Variants in STXBP5 observed in about 807,000 individuals in gnomAD.
STXBP5 encodes syntaxin binding protein 5.
In STXBP5, 50 loss-of-function variants were observed where a neutral mutation model predicts 152.4. That is an observed-to-expected ratio of 0.33 (90% confidence interval 0.26 to 0.42). The LOEUF is 0.42. Among genes scored for constraint, STXBP5 ranks in the 10% least tolerant of loss-of-function variants. STXBP5 has a pLI of 1.00. For missense variants in STXBP5, 1,167 were observed against 1,388.6 expected (o/e 0.84, Z 2.54); for synonymous variants, 492 against 494.7 (o/e 0.99, Z 0.07).
Position 147,325,000 on chromosome 6 carries a change from C to G in STXBP5, c.1844C>G (p.Thr615Arg). ...CTTAAACAGTCTCCAGGTTATCAAA[C>G]AGAACTAGTTATTCAGTTGGTTTGG... Reference protein sequence around the residue: ...SPLKQSPGYQTELVIQLVWVG... With the variant: ...SPLKQSPGYQRELVIQLVWVG... Residue 615 changes from threonine to arginine, a missense_variant, in exon 17 of 28, where the codon ACA becomes AGA. By Grantham distance (71) the Thr-to-Arg change is moderately conservative. Around this residue, in one of 3 missense-constraint regions of STXBP5, gnomAD observed 833 missense variants for 986.3 expected, o/e 0.84. Transcript: ENST00000321680. 1 of 1,596,820 alleles carries G rather than the reference C, an allele frequency of 6.3e-7. No individual in the cohort carries two copies. Among genetic ancestry groups the G allele is most frequent in the Non-Finnish European group, 8.6e-7 (1 of 1,169,552 alleles).
chr6:147,254,885 C>T (rs1353870228), intron 4 of STXBP5, among the ~76,000 whole-genome samples: 1 of 152,178 alleles, frequency 6.6e-6, no homozygotes. Flanking sequence ...TAAATTAGTT[C>T]AACCATTGTG....
chr6:147,353,465 G>T, intron 22 of STXBP5, 92 bp downstream of exon 22: 1 of 787,894 alleles, frequency 1.3e-6, no homozygotes, highest in Non-Finnish European at 1.9e-6. Flanking sequence ...GATAGTCATT[G>T]GAAAGCAAGT....
chr6:147,344,524 TG>T (rs1191601280), intron 21 of STXBP5, among the ~76,000 whole-genome samples: 1 of 152,202 alleles, frequency 6.6e-6, no homozygotes, highest in Non-Finnish European at 1.5e-5. Flanking sequence ...AAGGTGTCAG[TG>T]GGTTTGATTT....
intron 4 of STXBP5, among the ~76,000 whole-genome samples, chr6:147,243,782 GT>G (rs905096441): frequency 2.0e-4 from 31 of 151,716 alleles, no homozygotes; most frequent in African/African-American, 5.1e-4. Context: ...TATGTCTAGA[GT>G]TTTTTTTCTT....
In STXBP5 at chr6:147,389,610, G is replaced by A. The variant is rs1167301667; in HGVS notation, c.*4855G>A. On this transcript the variant is annotated 3_prime_UTR_variant, in exon 28 of 28. Coordinates refer to ENST00000321680, the MANE Select transcript of STXBP5 (RefSeq NM_001127715.4). ...TGTAAATAAACCAGTATTTATTGTA[G>A]GTTGTTTGATTCAGGCATTTCAAAT... The A allele has an allele frequency of 6.6e-6, 1 of 151,774 alleles. No homozygotes were observed. The highest frequency in any genetic ancestry group is 1.5e-5 in the Non-Finnish European group (1 of 67,784). The allele number at this position is 151,774 out of a possible 1,614,324, so 9.4% of individuals were successfully genotyped here. A position where few individuals can be genotyped will look rare whatever the true frequency, so the allele number is the denominator to read the frequency against.
At chr6:147,362,239 A>G (rs998953508) in intron 23 of STXBP5, among the ~76,000 whole-genome samples, 1 of 152,188 alleles carries the variant, frequency 6.6e-6, no homozygotes, top group African/African-American at 2.4e-5. Context: ...AAATGTTTTG[A>G]GAAAACATCA....
intron 2 of STXBP5, among the ~76,000 whole-genome samples, chr6:147,222,321 C>A (rs547848716): frequency 3.3e-5 from 5 of 152,108 alleles, no homozygotes; most frequent in African/African-American, 1.2e-4. Context: ...TTCCTGATAT[C>A]GGGACATGAT....
intron 4 of STXBP5, among the ~76,000 whole-genome samples, chr6:147,243,275 G>C (rs1472790248): frequency 6.6e-6 from 1 of 152,152 alleles, no homozygotes; most frequent in Non-Finnish European, 1.5e-5. Context: ...ATGGACGTTA[G>C]CCATTTTAAT....
intron 18 of STXBP5, among the ~76,000 whole-genome samples, chr6:147,328,475 A>G (rs1783386830): frequency 6.6e-6 from 1 of 152,240 alleles, no homozygotes; most frequent in South Asian, 2.1e-4. Context: ...ATTAACTAAT[A>G]CTGCAAATTT....
intron 17 of STXBP5, among the ~76,000 whole-genome samples, chr6:147,325,462 T>G (rs1783199958): frequency 1.3e-5 from 2 of 152,222 alleles, no homozygotes; most frequent in African/African-American, 4.8e-5. Context: ...TTGTAAATGT[T>G]GAAGTGTAGT....
intron 18 of STXBP5, among the ~76,000 whole-genome samples, chr6:147,332,186 A>G (rs565122815): frequency 6.6e-6 from 1 of 152,324 alleles, no homozygotes; most frequent in East Asian, 1.9e-4. Flanking sequence ...TTTCACATGT[A>G]TTCACTCAAC....
rs1786273665 is a variant in STXBP5 at position 147,385,021 on chromosome 6, A to AG, written c.*271dup. ...TCACACGTGACAGATGAAGAAACCAAGGGGGCTGCTGAGGAGACCTGGTGC... is the reference window on the plus strand; with the variant it reads ...TCACACGTGACAGATGAAGAAACCAAGGGGGGCTGCTGAGGAGACCTGGTGC... On this transcript the variant is annotated 3_prime_UTR_variant, in exon 28 of 28. Coordinates refer to ENST00000321680, the MANE Select transcript of STXBP5 (RefSeq NM_001127715.4). 1 of 441,308 alleles carries AG rather than the reference A, an allele frequency of 2.3e-6. No individual in the cohort carries two copies. 27.3% of individuals were successfully genotyped at this position (441,308 alleles called of 1,614,324 possible). A position where few individuals can be genotyped will look rare whatever the true frequency, so the allele number is the denominator to read the frequency against.
intron 2 of STXBP5, among the ~76,000 whole-genome samples, chr6:147,216,077 G>A (rs1205803523): frequency 6.6e-6 from 1 of 152,106 alleles, no homozygotes; most frequent in African/African-American, 2.4e-5. Context: ...AAAACTACCT[G>A]AAAAATGAAT....
intron 2 of STXBP5, among the ~76,000 whole-genome samples, chr6:147,226,510 G>A (rs1057337550): frequency 6.6e-6 from 1 of 152,136 alleles, no homozygotes; most frequent in Admixed American, 6.5e-5. Context: ...AAACATAGTT[G>A]TGTAATTCAG....
intron 22 of STXBP5, among the ~76,000 whole-genome samples, chr6:147,355,560 T>C (rs973588615): frequency 6.6e-6 from 1 of 152,144 alleles, no homozygotes; most frequent in African/African-American, 2.4e-5. Context: ...TGTATGATAG[T>C]GATGATATGG....
chr6:147,337,192 G>GACACACACACACACACACACAC (rs61074711), intron 19 of STXBP5, among the ~76,000 whole-genome samples: 3,306 of 53,852 alleles, frequency 0.061, 144 homozygotes, highest in African/African-American at 0.14. Context: ...CACATACATA[G>GACACACACACACACACACACAC]ACACACACAC....
chr6:147,292,178 C>T (rs1342462860), intron 9 of STXBP5: 7 of 427,624 alleles, frequency 1.6e-5, no homozygotes, highest in Admixed American at 1.3e-4. Flanking sequence ...TTCAATTCAA[C>T]TCATTTGAGT....
At chr6:147,308,598 CA>C (rs1782215097) in intron 9 of STXBP5, among the ~76,000 whole-genome samples, 1 of 151,440 alleles carries the variant, frequency 6.6e-6, no homozygotes, top group Non-Finnish European at 1.5e-5. Context: ...AAACAGTAAG[CA>C]AAATAAATAA....
In STXBP5 at chr6:147,327,244, G is replaced by A. The variant is rs534581572; in HGVS notation, c.2048G>A (p.Arg683Gln). The change falls in exon 18 of 28, where the codon CGA (arginine) becomes CAA (glutamine). Residue 683 changes from arginine to glutamine, a missense_variant. By Grantham distance (43) the Arg-to-Gln change is conservative. This residue lies in a region of STXBP5 where 833 missense variants were observed against 986.3 expected (regional missense o/e 0.84). Transcript: ENST00000321680. ...GSNDPYRREP[R>Q]SPRKSRQPSG... Reference sequence around the variant, plus strand: ...AATGATCCTTATCGGAGAGAACCCCGATCTCCTCGTAAATCTCGACAGCCT... The same window carrying A: ...AATGATCCTTATCGGAGAGAACCCCAATCTCCTCGTAAATCTCGACAGCCT... 5 of 1,613,354 alleles carry A rather than the reference G, an allele frequency of 3.1e-6. No homozygotes were observed. The highest frequency in any genetic ancestry group is 1.7e-5 in the Admixed American group (1 of 59,880).
Sources: allele counts gnomAD v4.1 joint callset (sites outside exome capture counted in the v4.1 genomes callset), GRCh38; gene constraint gnomAD v4.1.1; regional missense constraint gnomAD v4.1.1; transcripts MANE v1.5; gene names NCBI Gene and HGNC (gene_info 2026-07-23, HGNC 2026-07-21).